The following ZBP1 variants were observed in gnomAD, a reference collection of about 807,000 sequenced individuals.
The protein encoded by ZBP1 is Z-DNA-binding protein 1.
In ZBP1, 42 loss-of-function variants were observed where a neutral mutation model predicts 41.1. The observed-to-expected ratio is 1.02, with a 90% CI of 0.80 to 1.32. The LOEUF is 1.32. Among genes scored for constraint, ZBP1 ranks in the 40% most tolerant of loss-of-function variants. The pLI is 0.00. For synonymous variants in ZBP1, 214 were observed against 205.2 expected (o/e 1.04, Z -0.37); for missense variants, 562 against 549.7 (o/e 1.02, Z -0.22).
At chr20:57,605,711 G>T (rs566379142) in intron 7 of ZBP1, among the ~76,000 whole-genome samples, 299 of 152,320 alleles carry the variant, frequency 2.0e-3, no homozygotes, top group African/African-American at 7.0e-3. Flanking sequence ...GAGGTGGGCA[G>T]ATCACCTGAG....
chr20:57,619,715 T>C (rs1456287971), intron 1 of ZBP1, among the ~76,000 whole-genome samples: 2 of 152,080 alleles, frequency 1.3e-5, no homozygotes, highest in Admixed American at 6.5e-5. Flanking sequence ...CAGTTATCTA[T>C]AAAATGGGAA....
rs778494907 is a variant in ZBP1 at position 57,610,376 on chromosome 20, C to G, written c.875-9G>C. On this transcript the variant is annotated splice_polypyrimidine_tract_variant and intron_variant, in intron 6 of 7. Transcript: ENST00000371173. The surrounding 1 kb of genome is among the most constrained non-coding windows in gnomAD (Gnocchi z 5.5). Reference sequence around the variant, plus strand: ...GGCAGCAGTGGCAGAGACTGTGGGTCAAAGGGAGAGAGGCCTGGAGCCAGG... The same window carrying G: ...GGCAGCAGTGGCAGAGACTGTGGGTGAAAGGGAGAGAGGCCTGGAGCCAGG... 21 of 1,613,966 alleles carry G rather than the reference C, an allele frequency of 1.3e-5. No homozygotes were observed. In the Middle Eastern group the frequency reaches 5.0e-4, roughly 38 times the overall value.
chr20:57,605,291 G>A (rs1385855441), intron 7 of ZBP1, among the ~76,000 whole-genome samples: 1 of 152,166 alleles, frequency 6.6e-6, no homozygotes, highest in Non-Finnish European at 1.5e-5. Context: ...TTCACAAGTT[G>A]AAGGTTTGTG....
chr20:57,616,249 C>G lies in ZBP1; in HGVS notation c.254G>C (p.Ser85Thr), dbSNP rs775525488. The change falls in exon 2 of 8, where the codon AGC becomes ACC. Residue 85 changes from serine (S) to threonine (T), a missense_variant. By Grantham distance (58) the Ser-to-Thr change is moderately conservative. Coordinates refer to ENST00000371173, the MANE Select transcript of ZBP1 (RefSeq NM_030776.3). ...GEGPAELALS[S>T]PAERPQQHAA... ...CTCCCCGGGGTGGCAGTTACCAGGG[C>G]TGGACAAGGCCAGCTCTGCAGGACC... 2 of 1,614,190 alleles carry G rather than the reference C, an allele frequency of 1.2e-6. No individual in the cohort carries two copies. Among genetic ancestry groups the G allele is most frequent in the Non-Finnish European group, 1.7e-6 (2 of 1,180,026 alleles).
chr20:57,609,332 A>G (rs904629204), intron 7 of ZBP1, among the ~76,000 whole-genome samples: 8 of 152,110 alleles, frequency 5.3e-5, no homozygotes, highest in African/African-American at 1.9e-4. Flanking sequence ...GGTGGCTGGG[A>G]CGGTGAACCG....
At chr20:57,611,953 C>G (rs868102999) in intron 5 of ZBP1, 23 bp from the exon 6 acceptor site, 2 of 1,549,678 alleles carry the variant, frequency 1.3e-6, no homozygotes, top group South Asian at 1.2e-5. Flanking sequence ...AGTGGCACAG[C>G]CTCACCGGAG....
At chr20:57,611,176 T>C (rs1400232884) in intron 6 of ZBP1, among the ~76,000 whole-genome samples, 2 of 152,184 alleles carry the variant, frequency 1.3e-5, no homozygotes, top group African/African-American at 2.4e-5. Context: ...CTGCTCATTT[T>C]ACAAATGAGG....
At chr20:57,611,618 A>G in intron 6 of ZBP1, 109 bp downstream of exon 6, 1 of 1,249,708 alleles carries the variant, frequency 8.0e-7, no homozygotes, top group South Asian at 1.5e-5. Context: ...GGTGGAAGGA[A>G]AGGAATTTCC....
chr20:57,616,114 CACAG>C (rs1019261404), intron 2 of ZBP1, 126 bp downstream of exon 2: 6 of 686,520 alleles, frequency 8.7e-6, no homozygotes, highest in Admixed American at 3.9e-5. Flanking sequence ...GAAACCAAGG[CACAG>C]AGAGAGGAAA....
At chr20:57,614,300 G>A (rs2070757517) in intron 4 of ZBP1, among the ~76,000 whole-genome samples, 1 of 152,142 alleles carries the variant, frequency 6.6e-6, no homozygotes, top group Admixed American at 6.5e-5. Context: ...CAAAGTGCTA[G>A]GATTACAGGC....
chr20:57,615,496 A>G lies in ZBP1; in HGVS notation c.328+16T>C, dbSNP rs1020060438. On this transcript the variant is annotated intron_variant, in intron 3 of 7. Transcript: ENST00000371173. ...ATCCTGTGTCCCGGGAACTGAAGGG[A>G]CATGCAAAAACTTACCCCGTTGTTG... 7 of 1,612,804 alleles carry G rather than the reference A, an allele frequency of 4.3e-6. No individual in the cohort carries two copies. In the African/African-American group the frequency reaches 9.4e-5, roughly 22 times the overall value.
chr20:57,610,030 G>A lies in ZBP1; in HGVS notation c.1093+119C>T, dbSNP rs1194924173. The stretch of plus-strand genomic sequence containing the variant: ...CTGCTCCTCGCTGTGGGTGGGCACA[G>A]CCTCCAGACTCCGGGAAACCAGAGA... On this transcript the variant is annotated intron_variant, in intron 7 of 7. Coordinates refer to ENST00000371173, the MANE Select transcript of ZBP1 (RefSeq NM_030776.3). The surrounding 1 kb of genome is among the most constrained non-coding windows in gnomAD (Gnocchi z 5.5). 1.0e-5 allele frequency: 12 copies of A among 1,180,328 alleles called. No individual in the cohort carries two copies. Among genetic ancestry groups the A allele is most frequent in the South Asian group, 1.4e-5 (1 of 70,462 alleles). The allele number at this position is 1,180,328 out of a possible 1,614,324, so 73.1% of individuals were successfully genotyped here. A position where few individuals can be genotyped will look rare whatever the true frequency, so the allele number is the denominator to read the frequency against.
In ZBP1 at chr20:57,610,537, G is replaced by GCCACACCTCCT; in HGVS notation, c.875-171_875-170insAGGAGGTGTGG. 1 of 638,140 alleles carries GCCACACCTCCT rather than the reference G, an allele frequency of 1.6e-6. No individual in the cohort carries two copies. The highest frequency in any genetic ancestry group is 2.7e-6 in the Non-Finnish European group (1 of 366,582). The allele number at this position is 638,140 out of a possible 1,614,324, so 39.5% of individuals were successfully genotyped here. A position where few individuals can be genotyped will look rare whatever the true frequency, so the allele number is the denominator to read the frequency against. On this transcript the variant is annotated intron_variant, in intron 6 of 7. Transcript: ENST00000371173. The surrounding 1 kb of genome is among the most constrained non-coding windows in gnomAD (Gnocchi z 5.5). ...CCACACCTCCACCCGCCACACCTCC[G>GCCACACCTCCT]CTCGTGCTGTTGTGCTGTCTGGGAA...
At chr20:57,608,838 C>T (rs1384897429) in intron 7 of ZBP1, among the ~76,000 whole-genome samples, 2 of 152,244 alleles carry the variant, frequency 1.3e-5, no homozygotes, top group Non-Finnish European at 2.9e-5. Context: ...TCCCCTGGGC[C>T]TTCAGGCACT....
chr20:57,606,008 T>C (rs1209123890), intron 7 of ZBP1, among the ~76,000 whole-genome samples: 2 of 151,724 alleles, frequency 1.3e-5, no homozygotes, highest in African/African-American at 2.4e-5. Flanking sequence ...GAGTTGCACG[T>C]CTCTCACTTT....
intron 2 of ZBP1, 132 bp downstream of exon 2, chr20:57,616,112 G>A (rs2070816944): frequency 6.8e-6 from 5 of 736,552 alleles, no homozygotes; most frequent in Admixed American, 3.6e-5. Context: ...AAGAAACCAA[G>A]GCACAGAGAG....
At position 57,610,272 on chromosome 20, in the gene ZBP1, T is replaced by C. The variant is rs779907411; in HGVS notation, c.970A>G (p.Met324Val). Reference protein sequence around the residue: ...PEGEAAQRIHMKSCFLEDATI... With the variant: ...PEGEAAQRIHVKSCFLEDATI... ...GCGTCCTCGAGAAAGCACGATTTCA[T>C]GTGGATTCTCTGGGCGGCTTCCCCC... is the stretch of plus-strand genomic sequence containing the variant. The change falls in exon 7 of 8, where the codon ATG (methionine) becomes GTG (valine). Residue 324 changes from methionine (M) to valine (V), a missense_variant. Physicochemically the swap from Met to Val is conservative, Grantham distance 21. Coordinates refer to ENST00000371173, the MANE Select transcript of ZBP1 (RefSeq NM_030776.3). The surrounding 1 kb of genome is among the most constrained non-coding windows in gnomAD (Gnocchi z 5.5). 2 of 1,614,132 alleles carry C rather than the reference T, an allele frequency of 1.2e-6. No individual in the cohort carries two copies. The highest frequency in any genetic ancestry group is 1.7e-5 in the Admixed American group (1 of 60,026).
At chr20:57,614,673 T>A (rs1316598661) in intron 4 of ZBP1, among the ~76,000 whole-genome samples, 1 of 152,238 alleles carries the variant, frequency 6.6e-6, no homozygotes, top group Admixed American at 6.5e-5. Context: ...CTTCTGCAAC[T>A]GCAGACCTTG....
At chr20:57,619,228 C>G (rs1441140197) in intron 1 of ZBP1, among the ~76,000 whole-genome samples, 1 of 152,164 alleles carries the variant, frequency 6.6e-6, no homozygotes, top group Non-Finnish European at 1.5e-5. Context: ...ATTAGCCCTC[C>G]CGGGGCACAC....
Sources: gnomAD v4.1 joint callset for allele counts (sites outside exome capture counted in the v4.1 genomes callset) on GRCh38, gnomAD v4.1.1 for gene constraint, Gnocchi (gnomAD v3.1) non-coding constraint, MANE v1.5 for transcripts, NCBI Gene and HGNC (gene_info 2026-07-23, HGNC 2026-07-21) for gene names.